The following PARM1 variants were observed in gnomAD, a reference collection of about 807,000 sequenced individuals.
PARM1 encodes prostate androgen-regulated mucin-like protein 1.
Under a neutral mutation model 24.6 loss-of-function variants are expected in PARM1, and 14 were observed. The ratio of observed to expected loss-of-function variants is 0.57; its 90% CI spans 0.38 to 0.89. PARM1 has a LOEUF of 0.89. Among genes scored for constraint, PARM1 ranks in the 40% least tolerant of loss-of-function variants. The pLI is 0.00. For synonymous variants in PARM1, 179 were observed against 156.6 expected (o/e 1.14, Z -1.07); for missense variants, 362 against 380.4 (o/e 0.95, Z 0.40).
chr4:75,026,620 C>T lies in PARM1; in HGVS notation c.770-7263C>T, dbSNP rs375712607. On this transcript the variant is annotated intron_variant, in intron 2 of 3. Coordinates refer to ENST00000307428, the MANE Select transcript of PARM1 (RefSeq NM_015393.4). The stretch of plus-strand genomic sequence containing the variant: ...GTCCCTGCTCCCCAAACTATCAAGC[C>T]CAAACACCATGATCCCTGGCTTTCA... Among the ~76,000 whole-genome samples the T allele has an allele frequency of 5.9e-4, 90 of 152,276 alleles. 1 individual carries two copies. The highest frequency in any genetic ancestry group is 2.1e-3 in the African/African-American group (86 of 41,560).
At chr4:74,973,886 AGAG>A (rs1490533844) in intron 1 of PARM1, among the ~76,000 whole-genome samples, 3 of 149,464 alleles carry the variant, frequency 2.0e-5, no homozygotes, top group Non-Finnish European at 4.5e-5. Context: ...GTGTGGGTGT[AGAG>A]AGAGAGAGAG....
intron 1 of PARM1, among the ~76,000 whole-genome samples, chr4:74,975,939 AC>A (rs1176535895): frequency 1.3e-5 from 2 of 152,152 alleles, no homozygotes; most frequent in Non-Finnish European, 2.9e-5. Context: ...TTGGTACAAC[AC>A]CCAGAGAGTG....
At chr4:74,945,247 C>G (rs1441073486) in intron 1 of PARM1, among the ~76,000 whole-genome samples, 1 of 152,164 alleles carries the variant, frequency 6.6e-6, no homozygotes, top group Non-Finnish European at 1.5e-5. Context: ...AACGTTGGGT[C>G]ACTTTTACTT....
At position 75,012,684 on chromosome 4, in the gene PARM1, C is replaced by A; in HGVS notation, c.303C>A (p.Asn101Lys). ...CAGGTTCGAATTGGGAAGGCACAAACACAGACCCCTCACCTTCTGGGTTCT... is the reference window on the plus strand; with the variant it reads ...CAGGTTCGAATTGGGAAGGCACAAAAACAGACCCCTCACCTTCTGGGTTCT... ...TSPGSNWEGTNTDPSPSGFSS... is the reference protein window; with the variant it reads ...TSPGSNWEGTKTDPSPSGFSS... The change falls in exon 2 of 4, where the codon AAC becomes AAA. Residue 101 changes from asparagine (N) to lysine (K), a missense_variant. Asn to Lys is a moderately conservative substitution (Grantham distance 94, BLOSUM62 0). Coordinates refer to ENST00000307428, the MANE Select transcript of PARM1 (RefSeq NM_015393.4). The A allele has an allele frequency of 6.2e-7, 1 of 1,613,990 alleles. No individual in the cohort carries two copies. Among genetic ancestry groups the A allele is most frequent in the Non-Finnish European group, 8.5e-7 (1 of 1,179,882 alleles).
intron 2 of PARM1, among the ~76,000 whole-genome samples, chr4:75,024,734 C>T (rs751578757): frequency 7.9e-5 from 12 of 152,236 alleles, no homozygotes; most frequent in African/African-American, 2.6e-4. Context: ...TGCTCACTCT[C>T]GTCGCCCAGG....
chr4:75,012,357 C>T (rs1455179696), intron 1 of PARM1, 68 bp from the exon 2 acceptor site: 1 of 1,518,816 alleles, frequency 6.6e-7, no homozygotes, highest in African/African-American at 1.4e-5. Context: ...TGGGTAAAAG[C>T]CTTGCCTCTA....
chr4:75,001,673 C>T (rs1313104822), intron 1 of PARM1, among the ~76,000 whole-genome samples: 1 of 151,974 alleles, frequency 6.6e-6, no homozygotes, highest in Non-Finnish European at 1.5e-5. Context: ...TGAAGTATAC[C>T]CATTCATGCT....
intron 1 of PARM1, among the ~76,000 whole-genome samples, chr4:74,952,697 A>G (rs1215881796): frequency 1.3e-5 from 2 of 152,220 alleles, no homozygotes; most frequent in Non-Finnish European, 2.9e-5. Context: ...AGTTCTGTGT[A>G]AGTATTACTG....
At chr4:75,003,990 TGACC>T (rs1722727681) in intron 1 of PARM1, among the ~76,000 whole-genome samples, 1 of 152,176 alleles carries the variant, frequency 6.6e-6, no homozygotes, top group Non-Finnish European at 1.5e-5. Flanking sequence ...CAAAAGCTGG[TGACC>T]TTGGTCTAGA....
chr4:74,970,847 C>A (rs1293130627), intron 1 of PARM1, among the ~76,000 whole-genome samples: 1 of 152,160 alleles, frequency 6.6e-6, no homozygotes, highest in Non-Finnish European at 1.5e-5. Flanking sequence ...GAGTGAGAGG[C>A]AATATAGAGT....
At chr4:75,020,496 C>A (rs574174748) in intron 2 of PARM1, among the ~76,000 whole-genome samples, 83 of 152,090 alleles carry the variant, frequency 5.5e-4, no homozygotes, top group Middle Eastern at 3.4e-3. Context: ...CTCATTTCCC[C>A]CCCCCCGCAC....
At chr4:74,981,543 G>T (rs181150925) in intron 1 of PARM1, among the ~76,000 whole-genome samples, 1 of 152,176 alleles carries the variant, frequency 6.6e-6, no homozygotes, top group Non-Finnish European at 1.5e-5. Flanking sequence ...ATGTAAATTA[G>T]TTCAACCATT....
chr4:74,999,152 C>T (rs1722631670), intron 1 of PARM1: 1 of 152,244 alleles, frequency 6.6e-6, no homozygotes, highest in Admixed American at 6.5e-5. Context: ...GAGCAACCAA[C>T]TTCATTCTCA....
At position 74,997,882 on chromosome 4, in the gene PARM1, G is replaced by A. The variant is rs185871618; in HGVS notation, c.44-14543G>A. On this transcript the variant is annotated intron_variant, in intron 1 of 3. Coordinates refer to ENST00000307428, the MANE Select transcript of PARM1 (RefSeq NM_015393.4). ...TTGAATATTTTTTCTAAGCAGCGAC[G>A]CATATAGATTTATTCTAAATAAGTG... The A allele has an allele frequency of 3.7e-4, 57 of 152,270 alleles. 1 individual carries two copies. Among genetic ancestry groups the A allele is most frequent in the African/African-American group, 1.3e-3 (52 of 41,562 alleles). The allele number at this position is 152,270 out of a possible 1,614,324, so 9.4% of individuals were successfully genotyped here. A position where few individuals can be genotyped will look rare whatever the true frequency, so the allele number is the denominator to read the frequency against.
intron 1 of PARM1, among the ~76,000 whole-genome samples, chr4:74,997,210 C>T (rs1289273379): frequency 2.0e-5 from 3 of 152,114 alleles, no homozygotes; most frequent in Admixed American, 6.6e-5. Flanking sequence ...CATAGTCTGG[C>T]TGGCAGGTAG....
chr4:75,032,168 G>A (rs940563715), intron 2 of PARM1, among the ~76,000 whole-genome samples: 1 of 152,230 alleles, frequency 6.6e-6, no homozygotes, highest in Non-Finnish European at 1.5e-5. Flanking sequence ...AAATGGATCT[G>A]TGAGTGTTCA....
chr4:74,938,494 G>A (rs917269335), intron 1 of PARM1, among the ~76,000 whole-genome samples: 5 of 152,154 alleles, frequency 3.3e-5, no homozygotes, highest in African/African-American at 7.2e-5. Flanking sequence ...GATGTTTTAT[G>A]TACAAGACAG....
chr4:74,986,207 T>C (rs1560784034), intron 1 of PARM1, among the ~76,000 whole-genome samples: 1 of 152,172 alleles, frequency 6.6e-6, no homozygotes, highest in East Asian at 1.9e-4. Flanking sequence ...GCTAAAATCT[T>C]TCCTGATTAA....
intron 3 of PARM1, among the ~76,000 whole-genome samples, chr4:75,035,501 C>T (rs1461811375): frequency 6.6e-6 from 1 of 152,164 alleles, no homozygotes; most frequent in Non-Finnish European, 1.5e-5. Flanking sequence ...CTGTCCTTCC[C>T]TCCTGCTCTT....
Sources: gnomAD v4.1 joint callset for allele counts (sites outside exome capture counted in the v4.1 genomes callset) on GRCh38, gnomAD v4.1.1 for gene constraint, MANE v1.5 for transcripts, NCBI Gene and HGNC (gene_info 2026-07-23, HGNC 2026-07-21) for gene names.